PLEKHA7: variants seen among roughly 807,000 people sequenced by gnomAD.
PLEKHA7 encodes pleckstrin homology domain containing A7.
Under a neutral mutation model 170.0 loss-of-function variants are expected in PLEKHA7, and 104 were observed. The observed-to-expected ratio is 0.61, with a 90% CI of 0.52 to 0.72. PLEKHA7 has a LOEUF of 0.72. Ranked by LOEUF, PLEKHA7 falls within the 30% of genes least tolerant of loss-of-function variation. The probability of loss-of-function intolerance (pLI) is 0.00; values close to 1 mark genes in which losing one functional copy is unlikely to be tolerated. For synonymous variants in PLEKHA7, 648 were observed against 660.8 expected (o/e 0.98, Z 0.30); for missense variants, 1,615 against 1,671.7 (o/e 0.97, Z 0.59).
chr11:16,931,225 A>T (rs1023014714), intron 3 of PLEKHA7, among the ~76,000 whole-genome samples: 11 of 152,172 alleles, frequency 7.2e-5, no homozygotes, highest in African/African-American at 2.4e-4. Context: ...TGAAGATTTC[A>T]GGGGCGCACC....
At chr11:16,874,506 A>G (rs1473528800) in intron 3 of PLEKHA7, among the ~76,000 whole-genome samples, 1 of 152,210 alleles carries the variant, frequency 6.6e-6, no homozygotes, top group South Asian at 2.1e-4. Flanking sequence ...GCTCTGTCCC[A>G]AAAACAAACA....
intron 9 of PLEKHA7, among the ~76,000 whole-genome samples, chr11:16,826,852 G>T (rs990004685): frequency 1.3e-5 from 2 of 152,158 alleles, no homozygotes; most frequent in Non-Finnish European, 2.9e-5. Context: ...CACACTAATC[G>T]CACTGAACCA....
At chr11:16,812,993 G>C (rs1849483875) in intron 13 of PLEKHA7, 120 bp downstream of exon 13, 1 of 731,548 alleles carries the variant, frequency 1.4e-6, no homozygotes, top group Admixed American at 2.3e-5. Flanking sequence ...GAGACATATT[G>C]ATTTAGAATT....
At chr11:16,890,279 CAAG>C (rs1259274625) in intron 3 of PLEKHA7, among the ~76,000 whole-genome samples, 2 of 152,110 alleles carry the variant, frequency 1.3e-5, no homozygotes, top group Non-Finnish European at 2.9e-5. Context: ...AATATTATAA[CAAG>C]AACAAACCTC....
At chr11:16,828,831 G>A (rs1417745360) in intron 9 of PLEKHA7, among the ~76,000 whole-genome samples, 1 of 152,144 alleles carries the variant, frequency 6.6e-6, no homozygotes, top group Non-Finnish European at 1.5e-5. Flanking sequence ...AGTTAGCCCT[G>A]GGACTTGGGT....
intron 3 of PLEKHA7, among the ~76,000 whole-genome samples, chr11:16,895,820 G>C (rs1301944468): frequency 2.6e-5 from 4 of 152,218 alleles, no homozygotes; most frequent in African/African-American, 7.2e-5. Flanking sequence ...ACCCTCACCT[G>C]AAAGGGGCAA....
intron 9 of PLEKHA7, among the ~76,000 whole-genome samples, chr11:16,839,099 T>C (rs1851758041): frequency 6.6e-6 from 1 of 152,172 alleles, no homozygotes; most frequent in Non-Finnish European, 1.5e-5. Flanking sequence ...AGAAGGTTAA[T>C]ACAAAAATTT....
At chr11:16,915,709 T>C in intron 3 of PLEKHA7, among the ~76,000 whole-genome samples, 1 of 151,864 alleles carries the variant, frequency 6.6e-6, no homozygotes, top group African/African-American at 2.4e-5. Context: ...TTTTTATGGC[T>C]GCATAATATT....
rs757359597 is a variant in PLEKHA7 at position 16,791,530 on chromosome 11, A to C, written c.2746-331T>G. ...CTCCCTCCGCTCATCTGGAGTGCAC[A>C]TCGCAGGCAGGCTGCTAACCCTGCC... On this transcript the variant is annotated intron_variant, in intron 19 of 26. Transcript: ENST00000531066. This position sits in a 1 kb window ranked among gnomAD's most constrained non-coding sequence, Gnocchi z 4.5. 9 of 523,386 alleles carry C rather than the reference A, an allele frequency of 1.7e-5. No homozygotes were observed. Among genetic ancestry groups the C allele is most frequent in the Non-Finnish European group, 3.3e-5 (9 of 270,730 alleles). The allele number at this position is 523,386 out of a possible 1,614,324, so 32.4% of individuals were successfully genotyped here.
At chr11:16,967,592 CAG>C (rs1862451220) in intron 3 of PLEKHA7, among the ~76,000 whole-genome samples, 1 of 152,108 alleles carries the variant, frequency 6.6e-6, no homozygotes, top group Non-Finnish European at 1.5e-5. Flanking sequence ...CACCTCCTGT[CAG>C]AGAGTCCTGG....
Position 16,789,802 on chromosome 11 carries a change from A to G in PLEKHA7, c.3129T>C (p.Asn1043=). 2 of 1,614,108 alleles carry G rather than the reference A, an allele frequency of 1.2e-6. No homozygotes were observed. The highest frequency in any genetic ancestry group is 1.7e-6 in the Non-Finnish European group (2 of 1,179,988). The stretch of plus-strand genomic sequence containing the variant: ...GGAAGGTCGCCTTGCTGCTTTCGGC[A>G]TTGAGACCCCTCCGGAGTGTGACGT... ...APYVTLRRGL[N]AESSKATFPR... The change falls in exon 22 of 27, where the codon AAT becomes AAC. Residue 1043 remains asparagine, a synonymous_variant. Transcript: ENST00000531066. The surrounding 1 kb of genome is among the most constrained non-coding windows in gnomAD (Gnocchi z 4.6).
At chr11:16,911,979 G>T (rs1337704250) in intron 3 of PLEKHA7, among the ~76,000 whole-genome samples, 6 of 152,124 alleles carry the variant, frequency 3.9e-5, no homozygotes, top group Admixed American at 3.9e-4. Context: ...TACATCTCTG[G>T]AGGCTTCCCA....
At chr11:16,921,665 T>C (rs929010836) in intron 3 of PLEKHA7, among the ~76,000 whole-genome samples, 1 of 152,214 alleles carries the variant, frequency 6.6e-6, no homozygotes, top group Non-Finnish European at 1.5e-5. Context: ...TAATGAAATG[T>C]GGACAATAAT....
At chr11:16,853,125 C>T (rs1413643321) in intron 6 of PLEKHA7, among the ~76,000 whole-genome samples, 1 of 152,110 alleles carries the variant, frequency 6.6e-6, no homozygotes, top group Admixed American at 6.6e-5. Context: ...GCAGGAAGAT[C>T]GCCTGTGACC....
chr11:16,969,822 G>A (rs1307704177), intron 3 of PLEKHA7, among the ~76,000 whole-genome samples: 2 of 152,246 alleles, frequency 1.3e-5, no homozygotes, highest in Non-Finnish European at 2.9e-5. Flanking sequence ...TACACTGGGA[G>A]TTCCCAGATA....
chr11:16,947,600 AAAAGAAAGAAAG>A (rs200146477), intron 3 of PLEKHA7, among the ~76,000 whole-genome samples: 1 of 147,112 alleles, frequency 6.8e-6, no homozygotes, highest in East Asian at 2.0e-4. Flanking sequence ...AAAAAAAAAA[AAAAGAAAGAAAG>A]AAAGAAAGGA....
intron 6 of PLEKHA7, among the ~76,000 whole-genome samples, chr11:16,853,872 T>C (rs12362925): frequency 0.075 from 11,494 of 152,244 alleles, 652 homozygotes; most frequent in Non-Finnish European, 0.12. Flanking sequence ...AGGGGACTTT[T>C]GGGATTTCTC....
chr11:16,805,621 C>T (rs542665325), intron 13 of PLEKHA7, among the ~76,000 whole-genome samples: 1 of 152,034 alleles, frequency 6.6e-6, no homozygotes, highest in African/African-American at 2.4e-5. Flanking sequence ...GAAACCCCAT[C>T]TCTACTAAAA....
chr11:16,966,263 T>G (rs1862365338), intron 3 of PLEKHA7, among the ~76,000 whole-genome samples: 1 of 151,370 alleles, frequency 6.6e-6, no homozygotes, highest in Non-Finnish European at 1.5e-5. Context: ...GATGCAGAAA[T>G]GGGACTGGAG....
Sources: gnomAD v4.1 joint callset for allele counts (sites outside exome capture counted in the v4.1 genomes callset) on GRCh38, gnomAD v4.1.1 for gene constraint, Gnocchi (gnomAD v3.1) non-coding constraint, MANE v1.5 for transcripts, NCBI Gene and HGNC (gene_info 2026-07-23, HGNC 2026-07-21) for gene names.